The following ISM2 variants were observed in gnomAD, a reference collection of about 807,000 sequenced individuals.
ISM2 encodes isthmin-2.
In ISM2, 50 loss-of-function variants were observed where a neutral mutation model predicts 58.0. The observed-to-expected ratio is 0.86, with a 90% CI of 0.69 to 1.09. ISM2 has a LOEUF of 1.09. ISM2 is among the 50% of genes least tolerant of loss of function. ISM2 has a pLI of 0.00. For missense variants in ISM2, 723 were observed against 745.0 expected, an observed-to-expected ratio of 0.97 and a Z score of 0.34; for synonymous variants, 303 against 312.4, an observed-to-expected ratio of 0.97 and a Z score of 0.32.
intron 1 of ISM2, among the ~76,000 whole-genome samples, chr14:77,491,479 C>T (rs2139970265): frequency 6.6e-6 from 1 of 152,290 alleles, no homozygotes; most frequent in Non-Finnish European, 1.5e-5. Flanking sequence ...ACCTCTGCCT[C>T]CCGGGCTCAA....
chr14:77,484,957 G>C (rs1242419691), intron 1 of ISM2, 38 bp from the exon 2 acceptor site: 1 of 1,523,364 alleles, frequency 6.6e-7, no homozygotes, highest in African/African-American at 1.4e-5. Flanking sequence ...AACAGGTCAG[G>C]GCTCACCCCA....
At chr14:77,491,335 G>A (rs1041051372) in intron 1 of ISM2, among the ~76,000 whole-genome samples, 1 of 152,184 alleles carries the variant, frequency 6.6e-6, no homozygotes, top group Admixed American at 6.5e-5. Flanking sequence ...CGCTCCAGGT[G>A]GGACAGTCTT....
chr14:77,478,536 C>T lies in ISM2; in HGVS notation c.1114+39G>A, dbSNP rs759622960. The T allele has an allele frequency of 2.5e-6, 4 of 1,596,304 alleles. No homozygotes were observed. In the Admixed American group the frequency reaches 6.7e-5, roughly 27 times the overall value. ...GGGACCAAGCCTCCAGCCTAAGCCG[C>T]ACCAGCCACTCCTATGCAGGGGTAG... On this transcript the variant is annotated intron_variant, in intron 5 of 6. Coordinates refer to ENST00000342219, the MANE Select transcript of ISM2 (RefSeq NM_199296.3).
intron 1 of ISM2, among the ~76,000 whole-genome samples, chr14:77,490,970 G>A (rs1164225702): frequency 6.6e-6 from 1 of 152,246 alleles, no homozygotes; most frequent in Non-Finnish European, 1.5e-5. Flanking sequence ...GCACCACACA[G>A]ACCTAGGTTC....
chr14:77,483,643 C>A (rs1026349864), intron 3 of ISM2, among the ~76,000 whole-genome samples: 2 of 149,268 alleles, frequency 1.3e-5, no homozygotes, highest in African/African-American at 4.9e-5. Context: ...TGCGTGTGTG[C>A]GTGTGTGTGT....
At chr14:77,488,494 T>A (rs572701150) in intron 1 of ISM2, among the ~76,000 whole-genome samples, 1 of 152,152 alleles carries the variant, frequency 6.6e-6, no homozygotes, top group East Asian at 1.9e-4. Flanking sequence ...CTCAGCTGAA[T>A]GTGGTGGAAA....
Position 77,498,744 on chromosome 14 carries a change from A to G in ISM2, c.50T>C (p.Leu17Pro), listed in dbSNP as rs1385518280. Residue 17 changes from leucine (L) to proline (P), a missense_variant, in exon 1 of 7, where the codon CTG (leucine) becomes CCG (proline). Transcript: ENST00000342219. ...RAGLLLCVLL[L>P]AALLEAALGL... is the part of the protein sequence containing the mutation. ...TAGCGCCGCCTCCAGCAGCGCCGCC[A>G]GCAGCAGCACGCAGAGGAGGAGCCC... 11 of 1,481,008 alleles carry G rather than the reference A, an allele frequency of 7.4e-6. No homozygotes were observed. Among genetic ancestry groups the G allele is most frequent in the Admixed American group, 2.3e-5 (1 of 42,720 alleles). 91.7% of individuals were successfully genotyped at this position (1,481,008 alleles called of 1,614,324 possible).
intron 1 of ISM2, chr14:77,498,411 G>C (rs2079261583): frequency 4.7e-6 from 6 of 1,263,338 alleles, no homozygotes; most frequent in South Asian, 1.4e-5. Context: ...AGTCAAACTT[G>C]TCACCCGGCT....
chr14:77,482,594 G>T lies in ISM2; in HGVS notation c.701C>A (p.Pro234Gln). ...IDLLAEPSNP[P>Q]PQDTLSWLPA... ...CAGCCAGCTAAGGGTATCCTGGGGC[G>T]GGGGATTGCTGGGCTCAGCCAACAG... Residue 234 changes from proline (P) to glutamine (Q), a missense_variant, in exon 4 of 7, where the codon CCG becomes CAG. Transcript: ENST00000342219. The T allele has an allele frequency of 1.2e-6, 2 of 1,610,840 alleles. No homozygotes were observed. Among genetic ancestry groups the T allele is most frequent in the Non-Finnish European group, 1.7e-6 (2 of 1,178,512 alleles).
rs3742730 is a variant in ISM2, at chr14:77,476,199, G to C, written c.1199-87C>G. On this transcript the variant is annotated intron_variant, in intron 6 of 6. Coordinates refer to ENST00000342219, the MANE Select transcript of ISM2 (RefSeq NM_199296.3). ...GGGACTGATTAAGGGCCAGTGCATGGGGAGAGAAGGCCCAGGCCCCAGCTG... is the reference window on the plus strand; with the variant it reads ...GGGACTGATTAAGGGCCAGTGCATGCGGAGAGAAGGCCCAGGCCCCAGCTG... 280 of 1,408,628 alleles carry C rather than the reference G, an allele frequency of 2.0e-4. No individual in the cohort carries two copies. The East Asian group carries it at 6.2e-3, about 31-fold the overall frequency. 87.3% of individuals were successfully genotyped at this position (1,408,628 alleles called of 1,614,324 possible).
rs548528751 is a variant in ISM2, at chr14:77,486,619, G to C, written c.142-1700C>G. 2.3e-4 allele frequency among the ~76,000 whole-genome samples: 35 copies of C among 152,292 alleles called. No individual in the cohort carries two copies. In the East Asian group the frequency reaches 6.8e-3, roughly 29 times the overall value. On this transcript the variant is annotated intron_variant, in intron 1 of 6. Coordinates refer to ENST00000342219, the MANE Select transcript of ISM2 (RefSeq NM_199296.3). The stretch of plus-strand genomic sequence containing the variant: ...CTAACTGTGCCTGTGACTTTGCTCA[G>C]CATCTCCACTGTCTGCAGTCTCTGG...
At chr14:77,488,682 C>T (rs2139967242) in intron 1 of ISM2, among the ~76,000 whole-genome samples, 1 of 152,330 alleles carries the variant, frequency 6.6e-6, no homozygotes, top group Non-Finnish European at 1.5e-5. Flanking sequence ...AGGTGCTAAG[C>T]ATGCAATGAA....
intron 4 of ISM2, 129 bp from the exon 5 acceptor site, chr14:77,478,844 G>A: frequency 1.1e-6 from 1 of 937,162 alleles, no homozygotes; most frequent in Admixed American, 2.4e-5. Flanking sequence ...CATGAATGAA[G>A]CTGGGCTGGA....
chr14:77,482,455 G>A lies in ISM2; in HGVS notation c.840C>T (p.Ile280=), dbSNP rs113154413. The A allele has an allele frequency of 1.8e-4, 288 of 1,614,050 alleles. 1 individual carries two copies. The South Asian group carries it at 2.6e-3, about 14-fold the overall frequency. Residue 280 remains isoleucine (I), a synonymous_variant, in exon 4 of 7, where the codon ATC becomes ATT. Transcript: ENST00000342219. ...CTTTGTCCTCTTGATCCTCACCCTC[G>A]ATATCCTCTGAAGGATAGTCCTCGT... ...EEDEDYPSED[I]EGEDQEDKEE... is the part of the protein sequence containing the mutation.
chr14:77,484,881 C>G lies in ISM2; in HGVS notation c.180G>C (p.Glu60Asp). The change falls in exon 2 of 7, where the codon GAG (glutamate) becomes GAC (aspartate). Residue 60 changes from glutamate (E) to aspartate (D), a missense_variant. Physicochemically the swap from Glu to Asp is conservative, Grantham distance 45 (BLOSUM62 2). Transcript: ENST00000342219. Reference protein sequence around the residue: ...ASPDPRPLKEEEEAPLLPRTH... With the variant: ...ASPDPRPLKEDEEAPLLPRTH... Reference sequence around the variant, plus strand: ...TTCTGGGGAGCAGTGGTGCCTCCTCCTCTTCCTTCAGAGGCCTAGGATCTG... The same window carrying G: ...TTCTGGGGAGCAGTGGTGCCTCCTCGTCTTCCTTCAGAGGCCTAGGATCTG... The G allele has an allele frequency of 1.9e-6, 3 of 1,580,484 alleles. No homozygotes were observed. Among genetic ancestry groups the G allele is most frequent in the South Asian group, 2.4e-5 (2 of 84,136 alleles).
rs775856375 is a variant in ISM2, at chr14:77,482,544, C to A, written c.751G>T (p.Gly251Ter). 6.2e-7 allele frequency: 1 copy of A among 1,614,066 alleles called. No homozygotes were observed. Among genetic ancestry groups the A allele is most frequent in the South Asian group, 1.1e-5 (1 of 91,062 alleles). ...TCTTTTTCCTCTCCTTTGTAGTCTC[C>A]CCAGAGGAAGGACCAGAGGGCGGGC... ...WLPALWSFLW[G>*]DYKGEEKDRA... is the part of the protein sequence containing the mutation. The change falls in exon 4 of 7, where the codon GGA becomes TGA. Residue 251 changes from glycine (G) to a stop codon, truncating the protein, a stop_gained. Transcript: ENST00000342219. LOFTEE classifies it high-confidence loss of function.
At chr14:77,497,856 A>G (rs1008049270) in intron 1 of ISM2, among the ~76,000 whole-genome samples, 3 of 151,692 alleles carry the variant, frequency 2.0e-5, no homozygotes, top group Admixed American at 1.3e-4. Context: ...GGGAAGAGCT[A>G]TTCGGGCCTC....
chr14:77,484,479 G>A lies in ISM2; in HGVS notation c.471C>T (p.His157=). The A allele has an allele frequency of 6.2e-7, 1 of 1,609,932 alleles. No individual in the cohort carries two copies. Residue 157 remains histidine, a synonymous_variant, in exon 3 of 7, where the codon CAC becomes CAT. Transcript: ENST00000342219. ...CAGTGACAGTCCAACATCCATGTTGGTGTAGCTCTGCCTGCAGGTGGGTTC... is the reference window on the plus strand; with the variant it reads ...CAGTGACAGTCCAACATCCATGTTGATGTAGCTCTGCCTGCAGGTGGGTTC... The part of the protein sequence containing the change: ...LPRTHLQAEL[H]QHGCWTVTEP...
At chr14:77,498,356 G>A (rs2079261122) in intron 1 of ISM2, 2 of 1,409,034 alleles carry the variant, frequency 1.4e-6, no homozygotes, top group African/African-American at 2.9e-5. Flanking sequence ...TCAGGGCGAG[G>A]AAGCCCGGCC....
Sources: gnomAD v4.1 joint callset for allele counts (sites outside exome capture counted in the v4.1 genomes callset) on GRCh38, gnomAD v4.1.1 for gene constraint, MANE v1.5 for transcripts, NCBI Gene and HGNC (gene_info 2026-07-23, HGNC 2026-07-21) for gene names.